Variants in VPS13B observed in about 807,000 individuals in gnomAD.
VPS13B encodes the protein vacuolar protein sorting 13 homolog B.
A neutral mutation model predicts 426.4 loss-of-function variants in VPS13B; 285 were observed. The ratio of observed to expected loss-of-function variants is 0.67; its 90% CI spans 0.61 to 0.74. The LOEUF is 0.74. Among genes scored for constraint, VPS13B ranks in the 30% least tolerant of loss-of-function variants. The pLI is 0.00. For missense variants in VPS13B, 4,537 were observed against 4,782.6 expected (o/e 0.95, Z 1.51); for synonymous variants, 1,676 against 1,676.4 (o/e 1.00, Z 0.01).
At chr8:99,719,586 A>G (rs1162620742) in intron 37 of VPS13B, among the ~76,000 whole-genome samples, 4 of 152,152 alleles carry the variant, frequency 2.6e-5, no homozygotes, top group Non-Finnish European at 5.9e-5. Flanking sequence ...TGATAGTTGT[A>G]TTGCCTTTAT....
intron 8 of VPS13B, among the ~76,000 whole-genome samples, chr8:99,129,937 GC>G (rs1809690044): frequency 6.6e-6 from 1 of 152,234 alleles, no homozygotes; most frequent in South Asian, 2.1e-4. Context: ...GATTGCTTGA[GC>G]CCTGGAGGTT....
At chr8:99,532,118 G>A (rs188225810) in intron 30 of VPS13B, among the ~76,000 whole-genome samples, 1 of 151,962 alleles carries the variant, frequency 6.6e-6, no homozygotes, top group Non-Finnish European at 1.5e-5. Flanking sequence ...CTGCATATAG[G>A]TTTTTGTTCA....
intron 3 of VPS13B, among the ~76,000 whole-genome samples, chr8:99,044,430 G>GTGTT (rs1843114279): frequency 6.6e-6 from 1 of 151,020 alleles, no homozygotes; most frequent in Non-Finnish European, 1.5e-5. Flanking sequence ...GTGTGTGTGT[G>GTGTT]TTTTTTTAAT....
At chr8:99,502,000 T>G in intron 26 of VPS13B, 142 bp downstream of exon 26, 1 of 1,097,388 alleles carries the variant, frequency 9.1e-7, no homozygotes, top group Non-Finnish European at 1.3e-6. Context: ...TGTCTTTCCT[T>G]TCTGACAGAG....
intron 30 of VPS13B, among the ~76,000 whole-genome samples, chr8:99,537,165 A>G (rs1823291966): frequency 6.6e-6 from 1 of 152,034 alleles, no homozygotes; most frequent in African/African-American, 2.4e-5. Context: ...AATTTCATTT[A>G]TTTAATTTGA....
chr8:99,315,292 C>A (rs1032510889), intron 19 of VPS13B, among the ~76,000 whole-genome samples: 2 of 151,378 alleles, frequency 1.3e-5, no homozygotes. Flanking sequence ...TGATGATGGC[C>A]TCTGTGTCAT....
At chr8:99,069,705 A>G (rs1844754533) in intron 3 of VPS13B, among the ~76,000 whole-genome samples, 1 of 152,182 alleles carries the variant, frequency 6.6e-6, no homozygotes, top group African/African-American at 2.4e-5. Context: ...CTTGGAAATT[A>G]TATTCAGAAT....
intron 39 of VPS13B, among the ~76,000 whole-genome samples, chr8:99,746,411 T>C (rs1392354759): frequency 6.6e-6 from 1 of 152,158 alleles, no homozygotes; most frequent in African/African-American, 2.4e-5. Flanking sequence ...TGATGTGTAC[T>C]ATGGTTTGTC....
intron 19 of VPS13B, among the ~76,000 whole-genome samples, chr8:99,345,860 G>A (rs928600577): frequency 2.0e-5 from 3 of 152,190 alleles, no homozygotes; most frequent in Non-Finnish European, 4.4e-5. Flanking sequence ...CCAACCATGA[G>A]TTATTCTTCA....
At chr8:99,825,655 T>C (rs1272163697) in intron 51 of VPS13B, among the ~76,000 whole-genome samples, 1 of 152,266 alleles carries the variant, frequency 6.6e-6, no homozygotes, top group East Asian at 1.9e-4. Flanking sequence ...CATGCCTATG[T>C]CCTGAATGGT....
chr8:99,606,368 A>T (rs1371929332), intron 33 of VPS13B, among the ~76,000 whole-genome samples: 2 of 152,026 alleles, frequency 1.3e-5, no homozygotes, highest in African/African-American at 2.4e-5. Flanking sequence ...TCTGACACAG[A>T]TGTCTCACTG....
At chr8:99,243,274 A>G (rs1293858781) in intron 17 of VPS13B, among the ~76,000 whole-genome samples, 2 of 152,244 alleles carry the variant, frequency 1.3e-5, no homozygotes, top group African/African-American at 4.8e-5. Flanking sequence ...ATCAGGAGAC[A>G]GACAAAATTC....
intron 17 of VPS13B, among the ~76,000 whole-genome samples, chr8:99,236,229 C>G (rs1037940321): frequency 2.7e-4 from 41 of 151,678 alleles, no homozygotes; most frequent in Admixed American, 2.4e-3. Flanking sequence ...GGTGTAACAT[C>G]TAGTTCATTT....
chr8:99,862,763 G>C (rs958579079), intron 58 of VPS13B, among the ~76,000 whole-genome samples: 6 of 152,224 alleles, frequency 3.9e-5, no homozygotes, highest in Non-Finnish European at 8.8e-5. Context: ...CTGATCTTCA[G>C]TTCTCTACAG....
chr8:99,463,761 C>T (rs572569276), intron 23 of VPS13B, among the ~76,000 whole-genome samples: 4 of 152,196 alleles, frequency 2.6e-5, no homozygotes, highest in African/African-American at 9.6e-5. Flanking sequence ...GGCATGATCT[C>T]GGTTCACTGG....
At chr8:99,018,258 C>T (rs1157631493) in intron 2 of VPS13B, among the ~76,000 whole-genome samples, 3 of 152,096 alleles carry the variant, frequency 2.0e-5, no homozygotes, top group Non-Finnish European at 2.9e-5. Flanking sequence ...TGGTGGCTCA[C>T]GCCTGTAATC....
At chr8:99,792,390 G>A (rs1000421198) in intron 43 of VPS13B, among the ~76,000 whole-genome samples, 1 of 152,122 alleles carries the variant, frequency 6.6e-6, no homozygotes, top group Non-Finnish European at 1.5e-5. Flanking sequence ...TGTGTCAAAG[G>A]TGAAGGGATT....
intron 33 of VPS13B, among the ~76,000 whole-genome samples, chr8:99,638,843 G>C (rs1342261668): frequency 6.6e-6 from 1 of 152,120 alleles, no homozygotes; most frequent in Non-Finnish European, 1.5e-5. Flanking sequence ...ACTCTAGTCT[G>C]CTGGGCAATT....
At chr8:99,697,071 T>C (rs955533660) in intron 35 of VPS13B, 6 of 539,910 alleles carry the variant, frequency 1.1e-5, no homozygotes, top group Middle Eastern at 4.8e-4. Context: ...CCCATATCGC[T>C]ACTCATCCTG....
Sources: gnomAD v4.1 joint callset for allele counts (sites outside exome capture counted in the v4.1 genomes callset) on GRCh38, gnomAD v4.1.1 for gene constraint, MANE v1.5 for transcripts, NCBI Gene and HGNC (gene_info 2026-07-23, HGNC 2026-07-21) for gene names.